CUX1: variants seen among roughly 807,000 people sequenced by gnomAD.
CUX1 encodes the protein cut like homeobox 1.
Under a neutral mutation model 158.8 loss-of-function variants are expected in CUX1, and 31 were observed. The ratio of observed to expected loss-of-function variants is 0.20; its 90% CI spans 0.15 to 0.26. The LOEUF is 0.26. Ranked by LOEUF, CUX1 falls within the 10% of genes least tolerant of loss-of-function variation. CUX1 has a pLI of 1.00. For missense variants in CUX1, 1,589 were observed against 2,014.6 expected (o/e 0.79, Z 4.04); for synonymous variants, 879 against 862.1 (o/e 1.02, Z -0.34).
chr7:101,847,810 G>A (rs958921970), intron 1 of CUX1, among the ~76,000 whole-genome samples: 15 of 151,836 alleles, frequency 9.9e-5, no homozygotes, highest in African/African-American at 2.9e-4. Flanking sequence ...GCTCATGCCT[G>A]TAATCCCAGC....
chr7:101,853,584 G>GGGGT (rs754780783), intron 1 of CUX1, among the ~76,000 whole-genome samples: 116 of 140,866 alleles, frequency 8.2e-4, no homozygotes, highest in African/African-American at 2.5e-3. Context: ...CAATAGAAAG[G>GGGGT]GTGTGTGTGT....
intron 14 of CUX1, among the ~76,000 whole-genome samples, chr7:102,264,024 G>C (rs543572582): frequency 1.0e-4 from 6 of 58,650 alleles, no homozygotes; most frequent in Non-Finnish European, 2.0e-4. Context: ...TTTTTTTTTT[G>C]AGACGGAGTC....
rs781850619 is a variant in CUX1 at position 102,275,218 on chromosome 7, C to T, written c.1451-29C>T. The T allele has an allele frequency of 3.9e-6, 6 of 1,547,336 alleles. No homozygotes were observed. The Admixed American group carries it at 5.8e-5, about 15-fold the overall frequency. ...CCTGCTGGGTTCCACCTCCTGCCACCCCCCAAGCCACCCTCCTCTACCTGC... is the reference window on the plus strand; with the variant it reads ...CCTGCTGGGTTCCACCTCCTGCCACTCCCCAAGCCACCCTCCTCTACCTGC... On this transcript the variant is annotated intron_variant, in intron 16 of 22. Coordinates refer to the CUX1 transcript ENST00000292538.
rs1268490215 is a variant in CUX1, at chr7:102,256,733, T to G, written c.*7691T>G. 2.2e-5 allele frequency: 22 copies of G among 985,328 alleles called. No homozygotes were observed. The highest frequency in any genetic ancestry group is 2.7e-5 in the Non-Finnish European group (22 of 829,944). 61.0% of individuals were successfully genotyped at this position (985,328 alleles called of 1,614,324 possible). A position where few individuals can be genotyped will look rare whatever the true frequency, so the allele number is the denominator to read the frequency against. ...CCCCAAAGCCTCCTAGAGCCTCTGGTAAGACTTCTGGGTTCATGAAGTTTC... is the reference window on the plus strand; with the variant it reads ...CCCCAAAGCCTCCTAGAGCCTCTGGGAAGACTTCTGGGTTCATGAAGTTTC... On this transcript the variant is annotated 3_prime_UTR_variant, in exon 24 of 24. Coordinates refer to ENST00000292535, the MANE Select transcript of CUX1 (RefSeq NM_181552.4).
chr7:102,271,654 T>C (rs1791220610), intron 14 of CUX1, among the ~76,000 whole-genome samples: 2 of 152,198 alleles, frequency 1.3e-5, no homozygotes, highest in Admixed American at 6.5e-5. Context: ...AGGTCCTGCC[T>C]CTTCCCTCAT....
intron 1 of CUX1, among the ~76,000 whole-genome samples, chr7:101,865,287 G>A (rs1797833890): frequency 1.3e-5 from 2 of 152,204 alleles, no homozygotes; most frequent in Admixed American, 1.3e-4. Context: ...TTATAGACTG[G>A]TTGTTCTGAT....
chr7:102,106,342 C>T (rs1830356024), intron 6 of CUX1, among the ~76,000 whole-genome samples: 1 of 152,138 alleles, frequency 6.6e-6, no homozygotes, highest in Non-Finnish European at 1.5e-5. Flanking sequence ...CCCGCCTCGG[C>T]CTCCCAAAGT....
intron 3 of CUX1, among the ~76,000 whole-genome samples, chr7:102,029,915 T>G (rs1820520557): frequency 6.6e-6 from 1 of 152,070 alleles, no homozygotes; most frequent in South Asian, 2.1e-4. Context: ...GCTCAAAGAG[T>G]TCAGTGTGCT....
intron 21 of CUX1, among the ~76,000 whole-genome samples, chr7:102,229,130 G>A (rs1175273258): frequency 2.0e-5 from 3 of 152,138 alleles, no homozygotes; most frequent in Non-Finnish European, 2.9e-5. Flanking sequence ...CAGCTGGGGC[G>A]GGCAGCCCCT....
intron 6 of CUX1, among the ~76,000 whole-genome samples, chr7:102,107,053 T>C (rs782348908): frequency 6.6e-6 from 1 of 151,162 alleles, no homozygotes; most frequent in Non-Finnish European, 1.5e-5. Context: ...TATAGAGATA[T>C]GCCATCTCTA....
At chr7:102,014,399 A>G (rs918839766) in intron 2 of CUX1, among the ~76,000 whole-genome samples, 1 of 152,198 alleles carries the variant, frequency 6.6e-6, no homozygotes, top group South Asian at 2.1e-4. Context: ...AGATCAATAC[A>G]AATTAGACTT....
chr7:102,094,643 G>C (rs1554483402), intron 4 of CUX1, among the ~76,000 whole-genome samples: 1 of 152,212 alleles, frequency 6.6e-6, no homozygotes, highest in African/African-American at 2.4e-5. Flanking sequence ...TACTAGGTGT[G>C]TTCTTTAAAG....
intron 8 of CUX1, among the ~76,000 whole-genome samples, chr7:102,141,572 A>G (rs1030503171): frequency 6.6e-5 from 10 of 152,000 alleles, no homozygotes; most frequent in South Asian, 6.2e-4. Context: ...CTAGTATGCA[A>G]TCAGAAATTT....
intron 1 of CUX1, among the ~76,000 whole-genome samples, chr7:101,885,690 A>AGCAG (rs1459170765): frequency 6.6e-6 from 1 of 152,178 alleles, no homozygotes; most frequent in Non-Finnish European, 1.5e-5. Context: ...CCGAGCACAG[A>AGCAG]GCAGGCATGG....
At chr7:102,113,812 C>T (rs1031408821) in intron 7 of CUX1, among the ~76,000 whole-genome samples, 3 of 152,218 alleles carry the variant, frequency 2.0e-5, no homozygotes, top group Admixed American at 6.5e-5. Context: ...GTGATCCTCC[C>T]ACCTCAGTGT....
intron 15 of CUX1, chr7:102,274,057 C>A: frequency 1.7e-6 from 1 of 590,438 alleles, no homozygotes; most frequent in Non-Finnish European, 3.1e-6. Flanking sequence ...CAGGGCCCAG[C>A]CATCTCTTCT....
chr7:102,062,259 G>C (rs1282985090), intron 3 of CUX1, among the ~76,000 whole-genome samples: 2 of 152,192 alleles, frequency 1.3e-5, no homozygotes, highest in Admixed American at 1.3e-4. Context: ...AGTGGGCAGC[G>C]ATGTGTGACG....
chr7:101,910,202 A>G (rs1226286896), intron 1 of CUX1, among the ~76,000 whole-genome samples: 1 of 152,074 alleles, frequency 6.6e-6, no homozygotes. Context: ...GCTGGAGCAC[A>G]GTGGCTTGAT....
chr7:101,954,328 T>TG (rs1404376989), intron 2 of CUX1, among the ~76,000 whole-genome samples: 1 of 152,208 alleles, frequency 6.6e-6, no homozygotes, highest in East Asian at 1.9e-4. Context: ...CCAGCCTGGG[T>TG]GACAGAGTGA....
Sources: allele counts gnomAD v4.1 joint callset (sites outside exome capture counted in the v4.1 genomes callset), GRCh38; gene constraint gnomAD v4.1.1; transcripts MANE v1.5; gene names NCBI Gene and HGNC (gene_info 2026-07-23, HGNC 2026-07-21).